The following OPCML variants were observed in gnomAD, a reference collection of about 807,000 sequenced individuals.
OPCML encodes the protein opioid binding protein/cell adhesion molecule like.
Under a neutral mutation model 37.8 loss-of-function variants are expected in OPCML, and 13 were observed. That is an observed-to-expected ratio of 0.34 (90% CI 0.22 to 0.55). The LOEUF (loss-of-function observed/expected upper bound fraction) is 0.55, where lower values mean the gene tolerates loss of function less well. Ranked by LOEUF, OPCML falls within the 20% of genes least tolerant of loss-of-function variation. The probability of loss-of-function intolerance (pLI) is 0.91; values close to 1 mark genes in which losing one functional copy is unlikely to be tolerated. For synonymous variants in OPCML, 176 were observed against 168.8 expected (o/e 1.04, Z -0.33); for missense variants, 341 against 435.6 (o/e 0.78, Z 1.93).
intron 1 of OPCML, among the ~76,000 whole-genome samples, chr11:133,002,281 C>T (rs1947019530): frequency 6.6e-6 from 1 of 152,198 alleles, no homozygotes; most frequent in Non-Finnish European, 1.5e-5. Context: ...GGTAAGGTCA[C>T]CACTCAGCTT....
Position 133,161,985 on chromosome 11 carries a change from CTTTTTTTTTTT to C in OPCML, c.62-218986_62-218976del, listed in dbSNP as rs553617547. Among the ~76,000 whole-genome samples the C allele has an allele frequency of 2.6e-4, 22 of 85,486 alleles. No individual in the cohort carries two copies. The South Asian group carries it at 7.5e-3, about 29-fold the overall frequency. The allele number at this position is 85,486 out of a possible 152,430, so 56.1% of individuals were successfully genotyped here. On this transcript the variant is annotated intron_variant, in intron 1 of 7. Coordinates refer to ENST00000524381, the MANE Select transcript of OPCML (RefSeq NM_001012393.5). Reference sequence around the variant, plus strand: ...AACAGGTAAGAGAGGCAGTCTCTGTCTTTTTTTTTTTTTTTTTTTTTTTTTGTATAAAATGA... The same window carrying C: ...AACAGGTAAGAGAGGCAGTCTCTGTCTTTTTTTTTTTTTTGTATAAAATGA...
At chr11:133,374,532 C>T (rs989853242) in intron 1 of OPCML, among the ~76,000 whole-genome samples, 4 of 152,184 alleles carry the variant, frequency 2.6e-5, no homozygotes, top group African/African-American at 9.7e-5. Flanking sequence ...GGGGAGCATT[C>T]TTGTCAACTG....
At chr11:132,563,817 C>G (rs1280286483) in intron 3 of OPCML, among the ~76,000 whole-genome samples, 1 of 151,900 alleles carries the variant, frequency 6.6e-6, no homozygotes, top group African/African-American at 2.4e-5. Flanking sequence ...AACAAAAAAA[C>G]AGAAAAACTT....
At chr11:132,466,408 C>T (rs1287470681) in intron 4 of OPCML, among the ~76,000 whole-genome samples, 1 of 151,494 alleles carries the variant, frequency 6.6e-6, no homozygotes, top group Admixed American at 6.6e-5. Context: ...GGCGTGAACC[C>T]GCGAGGCGGA....
At chr11:133,201,368 T>C (rs1938781295) in intron 1 of OPCML, among the ~76,000 whole-genome samples, 1 of 151,936 alleles carries the variant, frequency 6.6e-6, no homozygotes, top group Non-Finnish European at 1.5e-5. Flanking sequence ...TGCCTTTTAG[T>C]CTACATTTCT....
chr11:133,018,590 C>T (rs541652016), intron 1 of OPCML, among the ~76,000 whole-genome samples: 2 of 152,172 alleles, frequency 1.3e-5, no homozygotes, highest in African/African-American at 4.8e-5. Flanking sequence ...GGAAAAGGGA[C>T]CTGAATTGTG....
intron 1 of OPCML, among the ~76,000 whole-genome samples, chr11:133,495,152 A>G (rs145238737): frequency 0.041 from 6,270 of 152,174 alleles, 193 homozygotes; most frequent in South Asian, 0.11. Context: ...GAGAACATAC[A>G]ATGTTTGGTT....
chr11:132,754,656 G>C (rs1245897175), intron 2 of OPCML, among the ~76,000 whole-genome samples: 1 of 152,130 alleles, frequency 6.6e-6, no homozygotes, highest in Non-Finnish European at 1.5e-5. Context: ...CTGAGAAAGA[G>C]GATAAGGGGT....
rs926478924 is a variant in OPCML, at chr11:133,047,623, C to T, written c.62-104613G>A. ...CACAGACAGCCTGGCGACTGCTGGC[C>T]GTGGGTCACTGTCCATCCATCACTC... On this transcript the variant is annotated intron_variant, in intron 1 of 7. Transcript: ENST00000524381. 1.1e-4 allele frequency among the ~76,000 whole-genome samples: 16 copies of T among 152,070 alleles called. 1 individual carries two copies. The highest frequency in any genetic ancestry group is 3.9e-4 in the African/African-American group (16 of 41,396).
In OPCML at chr11:133,373,448, T is replaced by TAC. The variant is rs1555147606; in HGVS notation, c.61+158814_61+158815dup. On this transcript the variant is annotated intron_variant, in intron 1 of 7. Coordinates refer to ENST00000524381, the MANE Select transcript of OPCML (RefSeq NM_001012393.5). ...AAATATATATATATATATATATATA[T>TAC]ACACACACACACACAAAAATACAAA... 3.8e-3 allele frequency among the ~76,000 whole-genome samples: 498 copies of TAC among 132,162 alleles called. 5 individuals carry two copies. Among genetic ancestry groups the TAC allele is most frequent in the South Asian group, 0.014 (64 of 4,428 alleles). The allele number at this position is 132,162 out of a possible 152,430, so 86.7% of individuals were successfully genotyped here.
At chr11:132,649,003 G>A (rs1941296791) in intron 3 of OPCML, among the ~76,000 whole-genome samples, 1 of 152,176 alleles carries the variant, frequency 6.6e-6, no homozygotes, top group South Asian at 2.1e-4. Context: ...TAATGGGATG[G>A]AATTCCAGAG....
At chr11:132,676,782 C>A (rs1394563214) in intron 2 of OPCML, among the ~76,000 whole-genome samples, 19 of 116,160 alleles carry the variant, frequency 1.6e-4, no homozygotes, top group Admixed American at 3.3e-4. Context: ...AGAAAGAAAA[C>A]AAACAAGAAA....
intron 2 of OPCML, among the ~76,000 whole-genome samples, chr11:132,845,193 G>A (rs1941470537): frequency 6.6e-6 from 1 of 151,930 alleles, no homozygotes; most frequent in African/African-American, 2.4e-5. Context: ...TTAGTCATCA[G>A]TGCCTCATAC....
chr11:133,508,707 C>T (rs1948091358), intron 1 of OPCML, among the ~76,000 whole-genome samples: 1 of 152,182 alleles, frequency 6.6e-6, no homozygotes, highest in Non-Finnish European at 1.5e-5. Context: ...GTCTTCTGCC[C>T]CGTGACTTTA....
intron 1 of OPCML, among the ~76,000 whole-genome samples, chr11:133,531,744 G>GGAGGGA (rs1555171041): frequency 9.5e-5 from 13 of 137,148 alleles, no homozygotes; most frequent in Non-Finnish European, 1.9e-4. Context: ...AGGTGGAGAG[G>GGAGGGA]GAGAGAGAGA....
At chr11:133,137,179 C>T (rs1001939017) in intron 1 of OPCML, among the ~76,000 whole-genome samples, 6 of 152,050 alleles carry the variant, frequency 3.9e-5, no homozygotes, top group Admixed American at 3.9e-4. Flanking sequence ...CTGAGCCTCT[C>T]TTGAAAAACT....
chr11:132,839,303 G>T (rs1941182683), intron 2 of OPCML, among the ~76,000 whole-genome samples: 3 of 152,178 alleles, frequency 2.0e-5, no homozygotes, highest in Admixed American at 6.5e-5. Flanking sequence ...TTTTATCTCG[G>T]CAGAGAGGAG....
intron 1 of OPCML, among the ~76,000 whole-genome samples, chr11:133,038,840 C>A (rs202170778): frequency 4.5e-5 from 6 of 134,264 alleles, no homozygotes; most frequent in South Asian, 4.6e-4. Flanking sequence ...AAAAAAAAAA[C>A]CCTGCTGCCA....
At chr11:132,633,496 T>A (rs987728763) in intron 3 of OPCML, among the ~76,000 whole-genome samples, 1 of 152,136 alleles carries the variant, frequency 6.6e-6, no homozygotes. Flanking sequence ...CAAATGGGCA[T>A]CCCAATCCTG....
Sources: gnomAD v4.1 joint callset for allele counts (sites outside exome capture counted in the v4.1 genomes callset) on GRCh38, gnomAD v4.1.1 for gene constraint, MANE v1.5 for transcripts, NCBI Gene and HGNC (gene_info 2026-07-23, HGNC 2026-07-21) for gene names.